The following SGCD variants were observed in gnomAD, a reference collection of about 807,000 sequenced individuals.
SGCD encodes delta-sarcoglycan.
SGCD carries 18 observed loss-of-function variants against 36.6 expected under a neutral mutation model. The observed-to-expected ratio is 0.49, with a 90% confidence interval of 0.34 to 0.73. The LOEUF is 0.73. Ranked by LOEUF, SGCD falls within the 30% of genes least tolerant of loss-of-function variation. SGCD has a pLI of 0.01. For missense variants in SGCD, 387 were observed against 346.7 expected, an observed-to-expected ratio of 1.12 and a Z score of -0.92; for synonymous variants, 133 against 130.6, an observed-to-expected ratio of 1.02 and a Z score of -0.12.
chr5:155,771,383 G>A, the SGCD span, among the ~76,000 whole-genome samples: 4 of 151,576 alleles, frequency 2.6e-5, no homozygotes, highest in African/African-American at 9.7e-5. Context: ...CAAGTAGCTA[G>A]CACTGTAGGT....
At chr5:156,485,262 T>A (rs1321256873) in intron 3 of SGCD, among the ~76,000 whole-genome samples, 1 of 152,118 alleles carries the variant, frequency 6.6e-6, no homozygotes, top group East Asian at 1.9e-4. Context: ...TCTGACATAC[T>A]CAAGTTGTAC....
chr5:156,472,679 A>G (rs1002195716), intron 3 of SGCD, among the ~76,000 whole-genome samples: 1 of 152,204 alleles, frequency 6.6e-6, no homozygotes, highest in African/African-American at 2.4e-5. Flanking sequence ...CTGCCTCCCA[A>G]AGTGCTTGGA....
intron 3 of SGCD, among the ~76,000 whole-genome samples, chr5:156,479,989 T>TGG (rs906173431): frequency 1.3e-5 from 2 of 152,182 alleles, no homozygotes; most frequent in Non-Finnish European, 2.9e-5. Context: ...CCCCTGTGGG[T>TGG]GGAAGATCAG....
Position 156,643,193 on chromosome 5 carries a change from C to T in SGCD, c.503-4271C>T, listed in dbSNP as rs578082261. On this transcript the variant is annotated intron_variant, in intron 6 of 8. Transcript: ENST00000337851. ...GATTACAGGAATGCACCACCACGCC[C>T]GGCTAATTTTGTATTTTCAGTAGAG... Among the ~76,000 whole-genome samples, 13 of 152,026 alleles carry T rather than the reference C, an allele frequency of 8.6e-5. No homozygotes were observed. In the East Asian group the frequency reaches 1.2e-3, roughly 14 times the overall value.
At chr5:156,475,725 G>A (rs61601440) in intron 3 of SGCD, among the ~76,000 whole-genome samples, 2,682 of 152,184 alleles carry the variant, frequency 0.018, 84 homozygotes, top group African/African-American at 0.062. Flanking sequence ...GAGTTCTTCC[G>A]AAGTGTATAT....
intron 7 of SGCD, among the ~76,000 whole-genome samples, chr5:156,752,740 G>A (rs1165497874): frequency 6.6e-6 from 1 of 152,086 alleles, no homozygotes; most frequent in Non-Finnish European, 1.5e-5. Context: ...ATTATTTTGT[G>A]TCTATTCATA....
At chr5:155,745,445 T>C in the SGCD span, among the ~76,000 whole-genome samples, 1 of 152,170 alleles carries the variant, frequency 6.6e-6, no homozygotes, top group East Asian at 1.9e-4. Context: ...TGTCTTCCTC[T>C]CTCTCCCTTT....
In SGCD at chr5:156,492,823, C is replaced by A. The variant is rs565778904; in HGVS notation, c.193-15778C>A. On this transcript the variant is annotated intron_variant, in intron 3 of 8. Coordinates refer to ENST00000337851, the MANE Select transcript of SGCD (RefSeq NM_000337.6). ...GTGAGAACATGTGGTGTTTAGTTTT[C>A]TGTTCTTGTGTTAGTTTGCTGAGAA... 3.9e-5 allele frequency among the ~76,000 whole-genome samples: 6 copies of A among 152,194 alleles called. No individual in the cohort carries two copies. The East Asian group carries it at 1.2e-3, about 29-fold the overall frequency.
chr5:156,439,485 C>T (rs1164543324), intron 3 of SGCD, among the ~76,000 whole-genome samples: 1 of 151,948 alleles, frequency 6.6e-6, no homozygotes, highest in African/African-American at 2.4e-5. Flanking sequence ...AATTATTGCC[C>T]CCCTCAGGAG....
chr5:156,608,681 T>C (rs182251596), intron 6 of SGCD, among the ~76,000 whole-genome samples: 1 of 152,224 alleles, frequency 6.6e-6, no homozygotes, highest in South Asian at 2.1e-4. Context: ...GGGATTCTAA[T>C]TCTCTTTGTA....
intron 4 of SGCD, among the ~76,000 whole-genome samples, chr5:156,581,734 T>C (rs1760267793): frequency 6.6e-6 from 1 of 152,184 alleles, no homozygotes; most frequent in Admixed American, 6.5e-5. Flanking sequence ...GAACTAGGCA[T>C]GGGATATAAC....
At chr5:156,029,821 T>A (rs77818256) in intron 1 of SGCD, among the ~76,000 whole-genome samples, 4,854 of 152,214 alleles carry the variant, frequency 0.032, 156 homozygotes, top group African/African-American at 0.087. Flanking sequence ...CCTAATTTTT[T>A]AAAAAAATTT....
chr5:156,382,837 A>G (rs1236162165), intron 3 of SGCD, among the ~76,000 whole-genome samples: 2 of 152,212 alleles, frequency 1.3e-5, no homozygotes, highest in African/African-American at 2.4e-5. Context: ...AGAAAAAAAC[A>G]GTTATTAGAT....
At chr5:156,413,596 C>T (rs1772881411) in intron 3 of SGCD, among the ~76,000 whole-genome samples, 1 of 152,208 alleles carries the variant, frequency 6.6e-6, no homozygotes, top group Admixed American at 6.5e-5. Flanking sequence ...CCTGCCTCAG[C>T]CACCTGAGTA....
At chr5:155,784,771 G>T in the SGCD span, among the ~76,000 whole-genome samples, 3 of 151,204 alleles carry the variant, frequency 2.0e-5, no homozygotes, top group African/African-American at 7.3e-5. Flanking sequence ...CTATAAATAA[G>T]GAAAAAAATG....
chr5:156,446,336 G>C (rs1753754629), intron 3 of SGCD, among the ~76,000 whole-genome samples: 1 of 152,168 alleles, frequency 6.6e-6, no homozygotes, highest in Non-Finnish European at 1.5e-5. Flanking sequence ...CATAAAGACA[G>C]TTGCACTGGG....
intron 3 of SGCD, among the ~76,000 whole-genome samples, chr5:156,177,854 T>C (rs4704783): frequency 0.013 from 1,926 of 152,256 alleles, 146 homozygotes; most frequent in Admixed American, 0.11. Context: ...ATTGACCAAT[T>C]TGACAAGATA....
the SGCD span, among the ~76,000 whole-genome samples, chr5:155,797,604 A>G: frequency 6.6e-6 from 1 of 152,216 alleles, no homozygotes; most frequent in African/African-American, 2.4e-5. Context: ...TGATAAATGT[A>G]TACAACTGGA....
chr5:156,355,372 A>G (rs2127725757), intron 3 of SGCD, among the ~76,000 whole-genome samples: 1 of 151,502 alleles, frequency 6.6e-6, no homozygotes, highest in Middle Eastern at 3.4e-3. Context: ...ATTAACAGCC[A>G]AGATAACTAC....
Sources: allele counts gnomAD v4.1 joint callset (sites outside exome capture counted in the v4.1 genomes callset), GRCh38; gene constraint gnomAD v4.1.1; transcripts MANE v1.5; gene names NCBI Gene and HGNC (gene_info 2026-07-23, HGNC 2026-07-21).